FBXO8: variants seen among roughly 807,000 people sequenced by gnomAD.
FBXO8 encodes the protein F-box protein 8, also known as F-box only protein 8.
In FBXO8, 15 loss-of-function variants were observed where a neutral mutation model predicts 33.4. The ratio of observed to expected loss-of-function variants is 0.45; its 90% CI spans 0.30 to 0.69. The LOEUF (loss-of-function observed/expected upper bound fraction) is 0.69. FBXO8 is among the 30% of genes least tolerant of loss of function. The pLI is 0.08. For synonymous variants in FBXO8, 132 were observed against 131.5 expected (o/e 1.00, Z -0.02); for missense variants, 274 against 380.3 (o/e 0.72, Z 2.32).
At position 174,261,884 on chromosome 4, in the gene FBXO8, C is replaced by T. The variant is rs924651576; in HGVS notation, c.329+880G>A. Among the ~76,000 whole-genome samples the T allele has an allele frequency of 6.6e-6, 1 of 151,880 alleles. No homozygotes were observed. Among genetic ancestry groups the T allele is most frequent in the Non-Finnish European group, 1.5e-5 (1 of 67,894 alleles). On this transcript the variant is annotated intron_variant, in intron 2 of 5. Transcript: ENST00000393674. The surrounding 1 kb of genome is among the most constrained non-coding windows in gnomAD (Gnocchi z 4.1). The stretch of plus-strand genomic sequence containing the variant: ...AAAGATATTTGTTTTTAGTTATAGT[C>T]TATATTTTTATAAAGACCTATTTCA...
At position 174,237,703 on chromosome 4, in the gene FBXO8, T is replaced by G; in HGVS notation, c.773-104A>C. The G allele has an allele frequency of 1.0e-6, 1 of 991,914 alleles. No homozygotes were observed. The highest frequency in any genetic ancestry group is 1.5e-6 in the Non-Finnish European group (1 of 683,788). 61.4% of individuals were successfully genotyped at this position (991,914 alleles called of 1,614,324 possible). On this transcript the variant is annotated intron_variant, in intron 5 of 5. Transcript: ENST00000393674. This position sits in a 1 kb window ranked among gnomAD's most constrained non-coding sequence, Gnocchi z 4.4. ...TGTTCATAATTTCAAGATATCAAGATTAGCTCATAAATACAGAGTGACCAA... is the reference window on the plus strand; with the variant it reads ...TGTTCATAATTTCAAGATATCAAGAGTAGCTCATAAATACAGAGTGACCAA...
At position 174,256,514 on chromosome 4, in the gene FBXO8, T is replaced by G. The variant is rs1038794638; in HGVS notation, c.456+3185A>C. Among the ~76,000 whole-genome samples, 2 of 152,170 alleles carry G rather than the reference T, an allele frequency of 1.3e-5. No homozygotes were observed. The highest frequency in any genetic ancestry group is 4.8e-5 in the African/African-American group (2 of 41,436). On this transcript the variant is annotated intron_variant, in intron 3 of 5. Transcript: ENST00000393674. The surrounding 1 kb of genome is among the most constrained non-coding windows in gnomAD (Gnocchi z 4.6). Reference sequence around the variant, plus strand: ...ATAAGTGCTATATAAGAACATTTATTAGGATGGATCTTTCACTTACATGAT... The same window carrying G: ...ATAAGTGCTATATAAGAACATTTATGAGGATGGATCTTTCACTTACATGAT...
chr4:174,270,256 T>C lies in FBXO8; in HGVS notation c.-8-7156A>G, dbSNP rs1391044206. Among the ~76,000 whole-genome samples the C allele has an allele frequency of 6.6e-6, 1 of 152,236 alleles. No homozygotes were observed. The highest frequency in any genetic ancestry group is 1.5e-5 in the Non-Finnish European group (1 of 68,044). Reference sequence around the variant, plus strand: ...CATAGCTTACATTTCAAACTTAACTTTCTGTTCCTAAAGTCCTATGCTGCT... The same window carrying C: ...CATAGCTTACATTTCAAACTTAACTCTCTGTTCCTAAAGTCCTATGCTGCT... On this transcript the variant is annotated intron_variant, in intron 1 of 5. Coordinates refer to ENST00000393674, the MANE Select transcript of FBXO8 (RefSeq NM_012180.3). The surrounding 1 kb of genome is among the most constrained non-coding windows in gnomAD (Gnocchi z 4.6).
intron 3 of FBXO8, among the ~76,000 whole-genome samples, chr4:174,249,836 G>A (rs1736246068): frequency 6.6e-6 from 1 of 151,924 alleles, no homozygotes; most frequent in African/African-American, 2.4e-5. Context: ...GCAAAAGATT[G>A]CATATACATG....
In FBXO8 at chr4:174,270,749, G is replaced by A. The variant is rs1198843846; in HGVS notation, c.-8-7649C>T. 6.6e-6 allele frequency among the ~76,000 whole-genome samples: 1 copy of A among 151,808 alleles called. No homozygotes were observed. The highest frequency in any genetic ancestry group is 2.4e-5 in the African/African-American group (1 of 41,308). ...CTCCTGTCTCAGCCTCCCGAGTGCT[G>A]GGATTACAGGCACCTGCCACCACGC... On this transcript the variant is annotated intron_variant, in intron 1 of 5. Coordinates refer to ENST00000393674, the MANE Select transcript of FBXO8 (RefSeq NM_012180.3). The surrounding 1 kb of genome is among the most constrained non-coding windows in gnomAD (Gnocchi z 4.6).
intron 1 of FBXO8, among the ~76,000 whole-genome samples, chr4:174,268,677 C>T (rs1298322880): frequency 1.3e-5 from 2 of 152,186 alleles, no homozygotes; most frequent in Admixed American, 6.5e-5. Context: ...ACCTCGTGAT[C>T]CGCCCGCCTT....
chr4:174,237,504 GAATA>G lies in FBXO8; in HGVS notation c.864_867del (p.Ile289GlufsTer15). 1 of 1,613,670 alleles carries G rather than the reference GAATA, an allele frequency of 6.2e-7. No homozygotes were observed. The highest frequency in any genetic ancestry group is 8.5e-7 in the Non-Finnish European group (1 of 1,179,684). On this transcript the variant is annotated frameshift_variant, in exon 6 of 6. Coordinates refer to ENST00000393674, the MANE Select transcript of FBXO8 (RefSeq NM_012180.3). LOFTEE classifies it high-confidence loss of function. The surrounding 1 kb of genome is among the most constrained non-coding windows in gnomAD (Gnocchi z 4.4). ...TTTTGAGCAGCGCGACGGGTATTTC[GAATA>G]AATTCCCTTTTTGACATTTTATTCT...
In FBXO8 at chr4:174,272,135, T is replaced by C. The variant is rs565596929; in HGVS notation, c.-8-9035A>G. Among the ~76,000 whole-genome samples the C allele has an allele frequency of 3.3e-5, 5 of 152,344 alleles. No individual in the cohort carries two copies. The South Asian group carries it at 1.0e-3, about 32-fold the overall frequency. On this transcript the variant is annotated intron_variant, in intron 1 of 5. Coordinates refer to ENST00000393674, the MANE Select transcript of FBXO8 (RefSeq NM_012180.3). The surrounding 1 kb of genome is among the most constrained non-coding windows in gnomAD (Gnocchi z 4.7). ...GTCAAAAGGACATTAGGAGCTAATT[T>C]GAAGGAGGCTTCTATTGGCCAAACC...
rs1437320732 is a variant in FBXO8, at chr4:174,245,231, G to T, written c.457-4013C>A. On this transcript the variant is annotated intron_variant, in intron 3 of 5. Transcript: ENST00000393674. The surrounding 1 kb of genome is among the most constrained non-coding windows in gnomAD (Gnocchi z 4.6). Reference sequence around the variant, plus strand: ...TGCCAAGGTACATCAATAATACATGGCAGTAGAAGAAAACCTAAATGAATG... The same window carrying T: ...TGCCAAGGTACATCAATAATACATGTCAGTAGAAGAAAACCTAAATGAATG... Among the ~76,000 whole-genome samples the T allele has an allele frequency of 6.6e-6, 1 of 151,708 alleles. No homozygotes were observed.
Position 174,259,928 on chromosome 4 carries a change from AT to A in FBXO8, c.330-104del. The A allele has an allele frequency of 1.6e-6, 2 of 1,241,268 alleles. No individual in the cohort carries two copies. The highest frequency in any genetic ancestry group is 2.2e-6 in the Non-Finnish European group (2 of 907,648). The allele number at this position is 1,241,268 out of a possible 1,614,324, so 76.9% of individuals were successfully genotyped here. A position where few individuals can be genotyped will look rare whatever the true frequency, so the allele number is the denominator to read the frequency against. On this transcript the variant is annotated intron_variant, in intron 2 of 5. Transcript: ENST00000393674. This position sits in a 1 kb window ranked among gnomAD's most constrained non-coding sequence, Gnocchi z 4.3. ...AAATAGTAACATGAAATAAGATTGAATTTTATAGTTCTAAAGTTTAAAATTT... is the reference window on the plus strand; with the variant it reads ...AAATAGTAACATGAAATAAGATTGAATTTATAGTTCTAAAGTTTAAAATTT...
rs199765247 is a variant in FBXO8, at chr4:174,239,200, G to A, written c.576-10C>T. 3.4e-6 allele frequency: 5 copies of A among 1,478,874 alleles called. No individual in the cohort carries two copies. The highest frequency in any genetic ancestry group is 2.4e-5 in the Admixed American group (1 of 42,264). The allele number at this position is 1,478,874 out of a possible 1,614,324, so 91.6% of individuals were successfully genotyped here. A position where few individuals can be genotyped will look rare whatever the true frequency, so the allele number is the denominator to read the frequency against. ...ATCCAAGACATCTCTCCTACAGAAA[G>A]AAAAAAAGGCACAGCTTTGGTTAAC... On this transcript the variant is annotated splice_polypyrimidine_tract_variant and intron_variant, in intron 4 of 5. Transcript: ENST00000393674.
chr4:174,280,952 T>C (rs189636452), intron 1 of FBXO8, among the ~76,000 whole-genome samples: 1 of 152,284 alleles, frequency 6.6e-6, no homozygotes, highest in Non-Finnish European at 1.5e-5. Context: ...TAGATGGTGT[T>C]GATGGTGGCA....
rs1172484728 is a variant in FBXO8, at chr4:174,237,848, C to A, written c.773-249G>T. Among the ~76,000 whole-genome samples the A allele has an allele frequency of 2.0e-5, 3 of 152,022 alleles. No individual in the cohort carries two copies. The highest frequency in any genetic ancestry group is 6.6e-5 in the Admixed American group (1 of 15,252). On this transcript the variant is annotated intron_variant, in intron 5 of 5. Coordinates refer to ENST00000393674, the MANE Select transcript of FBXO8 (RefSeq NM_012180.3). The surrounding 1 kb of genome is among the most constrained non-coding windows in gnomAD (Gnocchi z 4.4). ...CCTATCTTAATACTAACTAAGCATG[C>A]ATTTCCTTCATTTCAAAAGAACTTT...
At position 174,241,105 on chromosome 4, in the gene FBXO8, A is replaced by G. The variant is rs779561185; in HGVS notation, c.570T>C (p.Asp190=). ...AAGTTAATTTTCGTTTTTACCTTTCATCAAGATAGATTCTCAGTTTTTTCC... is the reference window on the plus strand; with the variant it reads ...AAGTTAATTTTCGTTTTTACCTTTCGTCAAGATAGATTCTCAGTTTTTTCC... ...LNWKKLRIYL[D]ERRDVLDDLV... is the part of the protein sequence containing the mutation. Residue 190 remains aspartate (D), a synonymous_variant, in exon 4 of 6, where the codon GAT becomes GAC. Coordinates refer to ENST00000393674, the MANE Select transcript of FBXO8 (RefSeq NM_012180.3). The surrounding 1 kb of genome is among the most constrained non-coding windows in gnomAD (Gnocchi z 4.2). 6.3e-7 allele frequency: 1 copy of G among 1,581,646 alleles called. No individual in the cohort carries two copies. Among genetic ancestry groups the G allele is most frequent in the Non-Finnish European group, 8.6e-7 (1 of 1,156,184 alleles).
Position 174,245,245 on chromosome 4 carries a change from C to T in FBXO8, c.457-4027G>A, listed in dbSNP as rs939555446. Reference sequence around the variant, plus strand: ...AATAATACATGGCAGTAGAAGAAAACCTAAATGAATGCTTATGAAAAGTAA... The same window carrying T: ...AATAATACATGGCAGTAGAAGAAAATCTAAATGAATGCTTATGAAAAGTAA... On this transcript the variant is annotated intron_variant, in intron 3 of 5. Transcript: ENST00000393674. The surrounding 1 kb of genome is among the most constrained non-coding windows in gnomAD (Gnocchi z 4.6). 6.6e-6 allele frequency among the ~76,000 whole-genome samples: 1 copy of T among 151,392 alleles called. No individual in the cohort carries two copies. Among genetic ancestry groups the T allele is most frequent in the African/African-American group, 2.4e-5 (1 of 41,248 alleles).
chr4:174,239,046 A>G lies in FBXO8; in HGVS notation c.720T>C (p.His240=), dbSNP rs761787537. Residue 240 remains histidine (H), a synonymous_variant, in exon 5 of 6, where the codon CAT becomes CAC. Coordinates refer to ENST00000393674, the MANE Select transcript of FBXO8 (RefSeq NM_012180.3). ...YLETLITKFS[H]RFCACNPDLM... The stretch of plus-strand genomic sequence containing the variant: ...AATCAGGGTTGCAAGCACAGAATCT[A>G]TGTGAGAACTTTGTTATAAGAGTTT... The G allele has an allele frequency of 1.9e-6, 3 of 1,605,368 alleles. No homozygotes were observed. The highest frequency in any genetic ancestry group is 2.6e-6 in the Non-Finnish European group (3 of 1,175,170).
Position 174,259,342 on chromosome 4 carries a change from A to G in FBXO8, c.456+357T>C, listed in dbSNP as rs985903472. Among the ~76,000 whole-genome samples the G allele has an allele frequency of 6.6e-6, 1 of 152,080 alleles. No homozygotes were observed. Among genetic ancestry groups the G allele is most frequent in the African/African-American group, 2.4e-5 (1 of 41,426 alleles). On this transcript the variant is annotated intron_variant, in intron 3 of 5. Coordinates refer to ENST00000393674, the MANE Select transcript of FBXO8 (RefSeq NM_012180.3). The surrounding 1 kb of genome is among the most constrained non-coding windows in gnomAD (Gnocchi z 4.3). Reference sequence around the variant, plus strand: ...ACATCACTACTAAGGAAAAACAATAAACAGAAAAAAACTGCTGCAGATAAA... The same window carrying G: ...ACATCACTACTAAGGAAAAACAATAGACAGAAAAAAACTGCTGCAGATAAA...
In FBXO8 at chr4:174,247,091, T is replaced by A. The variant is rs919389650; in HGVS notation, c.457-5873A>T. On this transcript the variant is annotated intron_variant, in intron 3 of 5. Coordinates refer to ENST00000393674, the MANE Select transcript of FBXO8 (RefSeq NM_012180.3). This position sits in a 1 kb window ranked among gnomAD's most constrained non-coding sequence, Gnocchi z 4.6. ...TACATATGTTCAGAATCAGTAAATA[T>A]ATATTTGGGAACAGAGTGAATTCTA... 1.7e-4 allele frequency among the ~76,000 whole-genome samples: 26 copies of A among 152,064 alleles called. No individual in the cohort carries two copies. The highest frequency in any genetic ancestry group is 6.3e-4 in the African/African-American group (26 of 41,422).
chr4:174,247,016 G>C lies in FBXO8; in HGVS notation c.457-5798C>G, dbSNP rs1736176249. Among the ~76,000 whole-genome samples the C allele has an allele frequency of 6.6e-6, 1 of 152,014 alleles. No homozygotes were observed. Among genetic ancestry groups the C allele is most frequent in the Non-Finnish European group, 1.5e-5 (1 of 67,980 alleles). On this transcript the variant is annotated intron_variant, in intron 3 of 5. Transcript: ENST00000393674. The surrounding 1 kb of genome is among the most constrained non-coding windows in gnomAD (Gnocchi z 4.6). ...AAGCAGCAGTGAGAATCTAGGTGAA[G>C]TTAATGTGAATTCAGCCCATCTCTT...
Sources: gnomAD v4.1 joint callset for allele counts (sites outside exome capture counted in the v4.1 genomes callset) on GRCh38, gnomAD v4.1.1 for gene constraint, Gnocchi (gnomAD v3.1) non-coding constraint, MANE v1.5 for transcripts, NCBI Gene and HGNC (gene_info 2026-07-23, HGNC 2026-07-21) for gene names.